SPEG: variants seen among roughly 807,000 people sequenced by gnomAD.
The protein encoded by SPEG is striated muscle enriched protein kinase.
A neutral mutation model predicts 300.4 loss-of-function variants in SPEG; 114 were observed. The observed-to-expected ratio is 0.38, with a 90% CI of 0.33 to 0.44. The LOEUF is 0.44. Ranked by LOEUF, SPEG falls within the 20% of genes least tolerant of loss-of-function variation. SPEG has a pLI of 1.00. For synonymous variants in SPEG, 1,964 were observed against 2,018.9 expected, an observed-to-expected ratio of 0.97 and a Z score of 0.73; for missense variants, 4,201 against 4,586.2, an observed-to-expected ratio of 0.92 and a Z score of 2.43.
chr2:219,435,025 A>AC lies in SPEG; in HGVS notation c.54dup (p.Ser19GlnfsTer117), dbSNP rs756115090. On this transcript the variant is annotated frameshift_variant, in exon 1 of 41. Coordinates refer to ENST00000312358, the MANE Select transcript of SPEG (RefSeq NM_005876.5). LOFTEE classifies it high-confidence loss of function. ...GAGGCGAGGATGCGGGCACGAGGGC[A>AC]CCCCCCAGCCCCGGAGTGCCCCCGA... 2.0e-6 allele frequency: 3 copies of AC among 1,501,298 alleles called. No homozygotes were observed. Among genetic ancestry groups the AC allele is most frequent in the South Asian group, 2.5e-5 (2 of 81,530 alleles). The allele number at this position is 1,501,298 out of a possible 1,614,324, so 93.0% of individuals were successfully genotyped here. A position where few individuals can be genotyped will look rare whatever the true frequency, so the allele number is the denominator to read the frequency against.
intron 6 of SPEG, among the ~76,000 whole-genome samples, chr2:219,456,169 CAT>C (rs1421716522): frequency 6.6e-6 from 1 of 152,258 alleles, no homozygotes; most frequent in Non-Finnish European, 1.5e-5. Flanking sequence ...TGGTCCCACT[CAT>C]AGAATCAACA....
In SPEG at chr2:219,435,186, C is replaced by T. The variant is rs1395368339; in HGVS notation, c.209C>T (p.Pro70Leu). ...CTGCGGGTGGTGGTGAGCGGGACGCCCCAGCCCAGCCTCCGCTGGTTCCGG... is the reference window on the plus strand; with the variant it reads ...CTGCGGGTGGTGGTGAGCGGGACGCTCCAGCCCAGCCTCCGCTGGTTCCGG... ...VRLRVVVSGT[P>L]QPSLRWFRDG... The change falls in exon 1 of 41, where the codon CCC becomes CTC. Residue 70 changes from proline to leucine, a missense_variant. Pro to Leu is a moderately conservative substitution (Grantham distance 98). Coordinates refer to ENST00000312358, the MANE Select transcript of SPEG (RefSeq NM_005876.5). The T allele has an allele frequency of 6.7e-7, 1 of 1,481,556 alleles. No homozygotes were observed. Among genetic ancestry groups the T allele is most frequent in the East Asian group, 2.9e-5 (1 of 35,046 alleles). 91.8% of individuals were successfully genotyped at this position (1,481,556 alleles called of 1,614,324 possible).
In SPEG at chr2:219,444,750, C is replaced by T. The variant is rs748444037; in HGVS notation, c.478+8C>T. On this transcript the variant is annotated splice_region_variant and intron_variant, in intron 2 of 40. Coordinates refer to ENST00000312358, the MANE Select transcript of SPEG (RefSeq NM_005876.5). This position sits in a 1 kb window ranked among gnomAD's most constrained non-coding sequence, Gnocchi z 7.8. ...CCTTCAGCACCCCCACGGGTGAGCT[C>T]CTGGGGTGTACAAAGAGCAGGCAGG... 5.0e-6 allele frequency: 8 copies of T among 1,613,694 alleles called. No individual in the cohort carries two copies. Among genetic ancestry groups the T allele is most frequent in the South Asian group, 4.4e-5 (4 of 91,068 alleles).
intron 1 of SPEG, chr2:219,442,231 G>C (rs1399393133): frequency 2.3e-6 from 1 of 438,808 alleles, no homozygotes; most frequent in Non-Finnish European, 3.4e-6. Flanking sequence ...GCGGCGGGCC[G>C]GGCGCGATCT....
Position 219,488,815 on chromosome 2 carries a change from G to A in SPEG, c.8064G>A (p.Gln2688=). Reference sequence around the variant, plus strand: ...AGCTAGCTCCTCCAGAGGTACCCCAGACCTACCAGGACACGGCGCTGGTGC... The same window carrying A: ...AGCTAGCTCCTCCAGAGGTACCCCAAACCTACCAGGACACGGCGCTGGTGC... The part of the protein sequence containing the change: ...PGKLAPPEVP[Q]TYQDTALVLW... The change falls in exon 34 of 41, where the codon CAG becomes CAA. Residue 2688 remains glutamine, a synonymous_variant. Transcript: ENST00000312358. The A allele has an allele frequency of 6.3e-7, 1 of 1,597,732 alleles. No individual in the cohort carries two copies. Among genetic ancestry groups the A allele is most frequent in the Middle Eastern group, 1.7e-4 (1 of 6,038 alleles).
In SPEG at chr2:219,471,921, G is replaced by A; in HGVS notation, c.3769G>A (p.Val1257Ile). 1.9e-6 allele frequency: 3 copies of A among 1,614,012 alleles called. No individual in the cohort carries two copies. The highest frequency in any genetic ancestry group is 1.7e-6 in the Non-Finnish European group (2 of 1,180,016). Residue 1257 changes from valine to isoleucine, a missense_variant, in exon 14 of 41, where the codon GTC (valine) becomes ATC (isoleucine). By Grantham distance (29) the Val-to-Ile change is conservative. Transcript: ENST00000312358. ...FPAVGPQHAGVYKSVIANKLG... is the reference protein window; with the variant it reads ...FPAVGPQHAGIYKSVIANKLG... ...TGCCGTGGGGCCTCAGCACGCCGGT[G>A]TCTACAAGAGCGTCATTGCCAACAA...
At chr2:219,470,040 G>A (rs1478432685) in intron 13 of SPEG, among the ~76,000 whole-genome samples, 4 of 152,098 alleles carry the variant, frequency 2.6e-5, no homozygotes, top group Non-Finnish European at 5.9e-5. Flanking sequence ...GTGTGAGAAG[G>A]TCTGCCCCCC....
In SPEG at chr2:219,451,848, C is replaced by A. The variant is rs775940396; in HGVS notation, c.2440+41C>A. ...ACCCTGGGGCTGGGTGGGGGCAAGC[C>A]GTGACTCTCCCCTGGCCCAGGCCCC... On this transcript the variant is annotated intron_variant, in intron 6 of 40. Transcript: ENST00000312358. This position sits in a 1 kb window ranked among gnomAD's most constrained non-coding sequence, Gnocchi z 6.4. 2 of 1,485,144 alleles carry A rather than the reference C, an allele frequency of 1.3e-6. No individual in the cohort carries two copies. The highest frequency in any genetic ancestry group is 1.8e-6 in the Non-Finnish European group (2 of 1,109,646). 92.0% of individuals were successfully genotyped at this position (1,485,144 alleles called of 1,614,324 possible).
At position 219,448,976 on chromosome 2, in the gene SPEG, G is replaced by T. The variant is rs1292531959; in HGVS notation, c.1818G>T (p.Glu606Asp). 6.6e-7 allele frequency: 1 copy of T among 1,510,616 alleles called. No homozygotes were observed. The highest frequency in any genetic ancestry group is 2.2e-5 in the Admixed American group (1 of 46,100). 93.6% of individuals were successfully genotyped at this position (1,510,616 alleles called of 1,614,324 possible). Residue 606 changes from glutamate (E) to aspartate (D), a missense_variant, in exon 4 of 41, where the codon GAG becomes GAT. Glu to Asp is a conservative substitution (Grantham distance 45). Coordinates refer to ENST00000312358, the MANE Select transcript of SPEG (RefSeq NM_005876.5). ...TGACCCGGAGCAGAGCCATCCAGGA[G>T]TGCAGGAGCCCTGTGCCGCCCCCCG... is the stretch of plus-strand genomic sequence containing the variant. Reference protein sequence around the residue: ...FPLTRSRAIQECRSPVPPPAA... With the variant: ...FPLTRSRAIQDCRSPVPPPAA...
chr2:219,444,524 A>G lies in SPEG; in HGVS notation c.389-129A>G, dbSNP rs1230977191. The stretch of plus-strand genomic sequence containing the variant: ...GGGCAGGGGATGTGGGGAGCAAAAG[A>G]GAGGAGGTGCTGGCAGCCCTGCCAG... On this transcript the variant is annotated intron_variant, in intron 1 of 40. Coordinates refer to ENST00000312358, the MANE Select transcript of SPEG (RefSeq NM_005876.5). This position sits in a 1 kb window ranked among gnomAD's most constrained non-coding sequence, Gnocchi z 7.8. The G allele has an allele frequency of 2.7e-6, 2 of 749,470 alleles. No individual in the cohort carries two copies. The highest frequency in any genetic ancestry group is 3.5e-5 in the African/African-American group (2 of 57,608). 46.4% of individuals were successfully genotyped at this position (749,470 alleles called of 1,614,324 possible).
chr2:219,479,596 A>G lies in SPEG; in HGVS notation c.5086-187A>G, dbSNP rs183694965. 3.3e-5 allele frequency among the ~76,000 whole-genome samples: 5 copies of G among 152,262 alleles called. No homozygotes were observed. Among genetic ancestry groups the G allele is most frequent in the South Asian group, 4.1e-4 (2 of 4,828 alleles). ...TATTACCACGCAATGGCTCCTCCCT[A>G]TAATTGTGCTGTACCCTCCGGTGCA... On this transcript the variant is annotated intron_variant, in intron 23 of 40. Coordinates refer to ENST00000312358, the MANE Select transcript of SPEG (RefSeq NM_005876.5). This position sits in a 1 kb window ranked among gnomAD's most constrained non-coding sequence, Gnocchi z 5.5.
intron 39 of SPEG, 43 bp downstream of exon 39, chr2:219,491,912 G>T: frequency 6.6e-7 from 1 of 1,519,878 alleles, no homozygotes. Flanking sequence ...TGCCCATACA[G>T]TGAGCTCCCG....
In SPEG at chr2:219,449,081, G is replaced by T. The variant is rs773163310; in HGVS notation, c.1923G>T (p.Leu641=). ...REPPAQAVRF[L]PWATPGLEGA... is the part of the protein sequence containing the mutation. ...CCCCGGCGCAGGCCGTGCGCTTCCT[G>T]CCCTGGGCCACGCCGGGCCTGGAGG... The change falls in exon 4 of 41, where the codon CTG becomes CTT. Residue 641 remains leucine (L), a synonymous_variant. Transcript: ENST00000312358. The T allele has an allele frequency of 2.6e-6, 4 of 1,513,862 alleles. No homozygotes were observed. Among genetic ancestry groups the T allele is most frequent in the Non-Finnish European group, 3.5e-6 (4 of 1,130,932 alleles). The allele number at this position is 1,513,862 out of a possible 1,614,324, so 93.8% of individuals were successfully genotyped here.
intron 6 of SPEG, among the ~76,000 whole-genome samples, chr2:219,453,080 C>A (rs185679956): frequency 6.6e-6 from 1 of 152,344 alleles, no homozygotes; most frequent in African/African-American, 2.4e-5. Context: ...CCATCACCTC[C>A]GGGATCTGGC....
In SPEG at chr2:219,469,238, C is replaced by T. The variant is rs767242646; in HGVS notation, c.3574C>T (p.Arg1192Trp). The T allele has an allele frequency of 1.3e-5, 21 of 1,613,690 alleles. No homozygotes were observed. Among genetic ancestry groups the T allele is most frequent in the South Asian group, 7.7e-5 (7 of 91,080 alleles). The change falls in exon 13 of 41, where the codon CGG becomes TGG. Residue 1192 changes from arginine to tryptophan, a missense_variant. Transcript: ENST00000312358. ...LERLSIPDFL[R>W]PLQDLEVGLA... ...GCGGCTGTCCATTCCTGACTTCCTG[C>T]GGCCACTGCAGGACCTGGAGGTGGG...
At chr2:219,449,569 CT>C (rs1689586586) in intron 4 of SPEG, among the ~76,000 whole-genome samples, 1 of 152,144 alleles carries the variant, frequency 6.6e-6, no homozygotes, top group African/African-American at 2.4e-5. Flanking sequence ...CATAGCTCCC[CT>C]GGGTCCAGTG....
intron 6 of SPEG, among the ~76,000 whole-genome samples, chr2:219,452,768 G>A (rs1689866711): frequency 6.6e-6 from 1 of 152,286 alleles, no homozygotes; most frequent in East Asian, 1.9e-4. Flanking sequence ...CCAAGAGGGG[G>A]AACAGCACAT....
intron 38 of SPEG, among the ~76,000 whole-genome samples, chr2:219,491,351 C>G (rs957749857): frequency 1.3e-5 from 2 of 152,208 alleles, no homozygotes; most frequent in Non-Finnish European, 2.9e-5. Flanking sequence ...ACAGGCCACA[C>G]TTTACGGATG....
At chr2:219,475,853 TG>T (rs1353440818) in intron 18 of SPEG, among the ~76,000 whole-genome samples, 3 of 152,114 alleles carry the variant, frequency 2.0e-5, no homozygotes, top group Non-Finnish European at 4.4e-5. Context: ...AGTGGAGTGG[TG>T]GCCCCCCTTC....
Sources: allele counts gnomAD v4.1 joint callset (sites outside exome capture counted in the v4.1 genomes callset), GRCh38; gene constraint gnomAD v4.1.1; non-coding constraint Gnocchi (gnomAD v3.1); transcripts MANE v1.5; gene names NCBI Gene and HGNC (gene_info 2026-07-23, HGNC 2026-07-21).